Variants in NALF1 observed in about 807,000 individuals in gnomAD.
NALF1 encodes family with sequence similarity 155 member A.
A neutral mutation model predicts 48.4 loss-of-function variants in NALF1; 3 were observed. The observed-to-expected ratio is 0.06, with a 90% CI of 0.03 to 0.16. The LOEUF is 0.16. NALF1 is among the 10% of genes least tolerant of loss of function. The pLI, the probability that NALF1 is intolerant of heterozygous loss-of-function variation, is 1.00. For synonymous variants in NALF1, 262 were observed against 245.7 expected, an observed-to-expected ratio of 1.07 and a Z score of -0.62; for missense variants, 526 against 571.5, an observed-to-expected ratio of 0.92 and a Z score of 0.81.
intron 1 of NALF1, among the ~76,000 whole-genome samples, chr13:107,330,401 C>G (rs962173786): frequency 1.3e-4 from 20 of 152,128 alleles, no homozygotes; most frequent in African/African-American, 4.8e-4. Flanking sequence ...GATCTGTATT[C>G]CTGGTCTTAT....
chr13:107,433,509 C>G (rs1884416123), intron 1 of NALF1, among the ~76,000 whole-genome samples: 2 of 151,960 alleles, frequency 1.3e-5, no homozygotes, highest in African/African-American at 2.4e-5. Context: ...ATACACTTCC[C>G]ATTTCTTCAG....
At chr13:107,795,847 T>C (rs1878406924) in intron 1 of NALF1, among the ~76,000 whole-genome samples, 1 of 152,214 alleles carries the variant, frequency 6.6e-6, no homozygotes, top group South Asian at 2.1e-4. Context: ...AGCATTGTGT[T>C]ATGCCAATAG....
intron 1 of NALF1, among the ~76,000 whole-genome samples, chr13:107,768,948 A>G (rs1877495496): frequency 6.6e-6 from 1 of 152,134 alleles, no homozygotes; most frequent in Non-Finnish European, 1.5e-5. Context: ...AATGCTCATC[A>G]TCACTGGCCA....
At chr13:107,199,121 G>A (rs1879455695) in intron 2 of NALF1, among the ~76,000 whole-genome samples, 1 of 151,862 alleles carries the variant, frequency 6.6e-6, no homozygotes, top group South Asian at 2.1e-4. Context: ...GTCATTATTG[G>A]GGTGCCATGA....
At chr13:107,246,278 G>A (rs747099698) in intron 1 of NALF1, among the ~76,000 whole-genome samples, 1 of 152,070 alleles carries the variant, frequency 6.6e-6, no homozygotes, top group African/African-American at 2.4e-5. Context: ...CTTATATTCA[G>A]TTCACATCAT....
chr13:107,735,832 G>A (rs1876452385), intron 1 of NALF1, among the ~76,000 whole-genome samples: 1 of 152,084 alleles, frequency 6.6e-6, no homozygotes, highest in African/African-American at 2.4e-5. Context: ...CGCAGGCTTT[G>A]GCCTGCAAAT....
At chr13:107,488,323 T>C (rs1175243360) in intron 1 of NALF1, among the ~76,000 whole-genome samples, 2 of 152,140 alleles carry the variant, frequency 1.3e-5, no homozygotes, top group Admixed American at 6.6e-5. Flanking sequence ...AGCTTTCGGA[T>C]TTGTTTGCTC....
intron 1 of NALF1, among the ~76,000 whole-genome samples, chr13:107,219,141 C>T (rs1051394154): frequency 1.3e-5 from 2 of 152,196 alleles, no homozygotes; most frequent in African/African-American, 4.8e-5. Flanking sequence ...CATAAGACTA[C>T]TTCTGAGTGT....
At chr13:107,645,260 G>A (rs1880284924) in intron 1 of NALF1, among the ~76,000 whole-genome samples, 1 of 152,078 alleles carries the variant, frequency 6.6e-6, no homozygotes, top group Admixed American at 6.6e-5. Context: ...CCAACACTTA[G>A]TATTGTCCTT....
chr13:107,836,370 A>G (rs761420847), intron 1 of NALF1, among the ~76,000 whole-genome samples: 4 of 152,178 alleles, frequency 2.6e-5, no homozygotes, highest in African/African-American at 4.8e-5. Context: ...TGTCTTAAAT[A>G]ATTTTTGTGT....
At chr13:107,180,160 G>T (rs1361876989) in intron 2 of NALF1, among the ~76,000 whole-genome samples, 1 of 151,308 alleles carries the variant, frequency 6.6e-6, no homozygotes, top group African/African-American at 2.4e-5. Flanking sequence ...AGAATTTAAA[G>T]AACATCTATT....
chr13:107,250,865 G>T (rs1880685701), intron 1 of NALF1, among the ~76,000 whole-genome samples: 1 of 152,092 alleles, frequency 6.6e-6, no homozygotes, highest in Non-Finnish European at 1.5e-5. Flanking sequence ...GTTTGAAAAT[G>T]TGTAGCACCT....
chr13:107,808,498 T>A (rs1326148043), intron 1 of NALF1, among the ~76,000 whole-genome samples: 1 of 152,106 alleles, frequency 6.6e-6, no homozygotes, highest in Non-Finnish European at 1.5e-5. Flanking sequence ...AGGGTAATCT[T>A]AACTTCAATA....
intron 1 of NALF1, among the ~76,000 whole-genome samples, chr13:107,849,787 T>C (rs1880264377): frequency 6.6e-6 from 1 of 152,222 alleles, no homozygotes; most frequent in Admixed American, 6.5e-5. Context: ...TCCTTTTTTC[T>C]TTCTTTTCTT....
intron 1 of NALF1, among the ~76,000 whole-genome samples, chr13:107,222,959 G>C (rs960914601): frequency 2.0e-5 from 3 of 152,112 alleles, no homozygotes; most frequent in African/African-American, 7.2e-5. Flanking sequence ...ACTTGATCAA[G>C]GTTTTGCCAT....
At chr13:107,638,207 A>ATATATATAT (rs533265281) in intron 1 of NALF1, among the ~76,000 whole-genome samples, 12 of 142,586 alleles carry the variant, frequency 8.4e-5, no homozygotes, top group Non-Finnish European at 1.1e-4. Flanking sequence ...ATATATATAT[A>ATATATATAT]ATTTAAGATG....
At chr13:107,597,581 T>C (rs1878790865) in intron 1 of NALF1, among the ~76,000 whole-genome samples, 1 of 152,070 alleles carries the variant, frequency 6.6e-6, no homozygotes, top group South Asian at 2.1e-4. Context: ...AGAGGTAACA[T>C]AAAGGGTACT....
chr13:107,510,515 T>C (rs1875852019), intron 1 of NALF1, among the ~76,000 whole-genome samples: 1 of 152,222 alleles, frequency 6.6e-6, no homozygotes, highest in Non-Finnish European at 1.5e-5. Context: ...TTTTATTAAG[T>C]ACTGAATATT....
intron 1 of NALF1, among the ~76,000 whole-genome samples, chr13:107,704,178 G>C (rs1334051313): frequency 6.6e-6 from 1 of 152,078 alleles, no homozygotes; most frequent in Non-Finnish European, 1.5e-5. Context: ...TTTTATTTTA[G>C]TGTACATTTG....
Sources: allele counts gnomAD v4.1 joint callset (sites outside exome capture counted in the v4.1 genomes callset), GRCh38; gene constraint gnomAD v4.1.1; transcripts MANE v1.5; gene names NCBI Gene and HGNC (gene_info 2026-07-23, HGNC 2026-07-21).